The following SLC24A3 variants were observed in gnomAD, a reference collection of about 807,000 sequenced individuals.
SLC24A3 encodes the protein sodium/potassium/calcium exchanger 3.
SLC24A3 carries 28 observed loss-of-function variants against 75.8 expected under a neutral mutation model. The ratio of observed to expected loss-of-function variants is 0.37; its 90% CI spans 0.27 to 0.51. SLC24A3 has a LOEUF of 0.51. SLC24A3 is among the 20% of genes least tolerant of loss of function. The probability of loss-of-function intolerance (pLI) is 0.94; values close to 1 mark genes in which losing one functional copy is unlikely to be tolerated. For missense variants in SLC24A3, 663 were observed against 847.8 expected, an observed-to-expected ratio of 0.78 and a Z score of 2.71; for synonymous variants, 372 against 334.1, an observed-to-expected ratio of 1.11 and a Z score of -1.24.
chr20:19,635,136 C>T (rs1050255595), intron 6 of SLC24A3, among the ~76,000 whole-genome samples: 1 of 152,184 alleles, frequency 6.6e-6, no homozygotes, highest in Non-Finnish European at 1.5e-5. Flanking sequence ...CACTTACCTC[C>T]CCTGACTACA....
At chr20:19,258,102 G>T (rs993808798) in intron 1 of SLC24A3, among the ~76,000 whole-genome samples, 1 of 152,220 alleles carries the variant, frequency 6.6e-6, no homozygotes, top group African/African-American at 2.4e-5. Context: ...TTGGAATGCC[G>T]TTCCTAAACT....
chr20:19,479,800 T>C (rs1189472486), intron 2 of SLC24A3, among the ~76,000 whole-genome samples: 1 of 152,230 alleles, frequency 6.6e-6, no homozygotes, highest in Non-Finnish European at 1.5e-5. Flanking sequence ...ACATGTTGGA[T>C]GAGGAAAGGA....
chr20:19,622,214 T>C (rs1417618329), intron 6 of SLC24A3, among the ~76,000 whole-genome samples: 1 of 152,122 alleles, frequency 6.6e-6, no homozygotes, highest in Non-Finnish European at 1.5e-5. Context: ...AAAAAGAAAC[T>C]GGAGCTGGGT....
intron 6 of SLC24A3, among the ~76,000 whole-genome samples, chr20:19,653,023 T>C (rs2032225530): frequency 1.3e-5 from 2 of 152,186 alleles, no homozygotes; most frequent in Non-Finnish European, 2.9e-5. Flanking sequence ...ACAAGGTGTG[T>C]GGACTCTCCC....
At chr20:19,298,508 C>A (rs928795985) in intron 2 of SLC24A3, among the ~76,000 whole-genome samples, 2 of 151,744 alleles carry the variant, frequency 1.3e-5, no homozygotes, top group African/African-American at 4.9e-5. Context: ...GATTCTAAGA[C>A]AAGGATGTGG....
At chr20:19,523,506 C>T (rs1568643830) in intron 3 of SLC24A3, among the ~76,000 whole-genome samples, 1 of 152,174 alleles carries the variant, frequency 6.6e-6, no homozygotes, top group Non-Finnish European at 1.5e-5. Context: ...CTGCCTCACC[C>T]CCTTGATCAT....
intron 6 of SLC24A3, among the ~76,000 whole-genome samples, chr20:19,593,932 A>G (rs189463754): frequency 6.6e-6 from 1 of 152,242 alleles, no homozygotes; most frequent in Non-Finnish European, 1.5e-5. Context: ...GACCCCGGCC[A>G]TTCACTCCTG....
intron 6 of SLC24A3, among the ~76,000 whole-genome samples, chr20:19,588,099 CA>C (rs1227211627): frequency 6.6e-6 from 1 of 152,168 alleles, no homozygotes; most frequent in African/African-American, 2.4e-5. Flanking sequence ...CGTAGAAAAA[CA>C]GTCTCAAAGG....
chr20:19,455,829 T>C (rs909520756), intron 2 of SLC24A3, among the ~76,000 whole-genome samples: 1 of 152,210 alleles, frequency 6.6e-6, no homozygotes, highest in Non-Finnish European at 1.5e-5. Flanking sequence ...CAAATGAAGA[T>C]GGAGGCTAAA....
At chr20:19,647,344 G>C (rs1236179681) in intron 6 of SLC24A3, among the ~76,000 whole-genome samples, 2 of 152,140 alleles carry the variant, frequency 1.3e-5, no homozygotes, top group Admixed American at 1.3e-4. Flanking sequence ...CTGTTTCTGG[G>C]TGAATCCAAG....
At chr20:19,570,360 G>A (rs185768492) in intron 3 of SLC24A3, among the ~76,000 whole-genome samples, 11 of 152,234 alleles carry the variant, frequency 7.2e-5, no homozygotes, top group African/African-American at 2.2e-4. Context: ...GATCTGGGTG[G>A]GGACACAGAG....
intron 1 of SLC24A3, among the ~76,000 whole-genome samples, chr20:19,246,416 A>G (rs2122172653): frequency 6.6e-6 from 1 of 152,258 alleles, no homozygotes; most frequent in East Asian, 1.9e-4. Flanking sequence ...ATTCTTTGAC[A>G]AGCTTGATCC....
At chr20:19,645,469 G>GACCCATATACTA (rs1760147368) in intron 6 of SLC24A3, among the ~76,000 whole-genome samples, 1 of 152,110 alleles carries the variant, frequency 6.6e-6, no homozygotes, top group Non-Finnish European at 1.5e-5. Context: ...GACAATCCTA[G>GACCCATATACTA]CAGAAAGAGA....
At chr20:19,442,374 T>A (rs1289973232) in intron 2 of SLC24A3, among the ~76,000 whole-genome samples, 4 of 152,336 alleles carry the variant, frequency 2.6e-5, no homozygotes, top group African/African-American at 9.6e-5. Context: ...CAGCATTTGG[T>A]GGTGTCAGTC....
intron 2 of SLC24A3, among the ~76,000 whole-genome samples, chr20:19,481,859 C>G (rs1988059667): frequency 6.6e-6 from 1 of 152,080 alleles, no homozygotes; most frequent in Admixed American, 6.5e-5. Flanking sequence ...TGAGCTCTAG[C>G]CTTATAATCT....
At chr20:19,219,824 A>AT (rs1189320532) in intron 1 of SLC24A3, among the ~76,000 whole-genome samples, 1 of 152,230 alleles carries the variant, frequency 6.6e-6, no homozygotes, top group Non-Finnish European at 1.5e-5. Flanking sequence ...ATGGGCTCAC[A>AT]TCAAGGGTTT....
intron 2 of SLC24A3, among the ~76,000 whole-genome samples, chr20:19,496,272 G>C (rs6046143): frequency 0.45 from 67,758 of 152,054 alleles, 15,570 homozygotes; most frequent in African/African-American, 0.55. Context: ...AGCAAGGCCC[G>C]ATAGGCATGC....
intron 1 of SLC24A3, among the ~76,000 whole-genome samples, chr20:19,236,390 AG>A (rs35606469): frequency 6.6e-6 from 1 of 152,146 alleles, no homozygotes; most frequent in Non-Finnish European, 1.5e-5. Flanking sequence ...TGTCCCTCCC[AG>A]GGGGTTGATA....
intron 2 of SLC24A3, among the ~76,000 whole-genome samples, chr20:19,455,741 CT>C (rs1486508405): frequency 7.2e-5 from 11 of 152,240 alleles, no homozygotes; most frequent in African/African-American, 2.7e-4. Flanking sequence ...CTTCGGGGCT[CT>C]GTCTCACTTC....
Sources: allele counts gnomAD v4.1 joint callset (sites outside exome capture counted in the v4.1 genomes callset), GRCh38; gene constraint gnomAD v4.1.1; transcripts MANE v1.5; gene names NCBI Gene and HGNC (gene_info 2026-07-23, HGNC 2026-07-21).